Variants in CDH13 observed in about 807,000 individuals in gnomAD.
CDH13 encodes the protein cadherin-13.
CDH13 carries 24 observed loss-of-function variants against 63.8 expected under a neutral mutation model. The ratio of observed to expected loss-of-function variants is 0.38; its 90% CI spans 0.27 to 0.53. The LOEUF (loss-of-function observed/expected upper bound fraction) is 0.53. Among genes scored for constraint, CDH13 ranks in the 20% least tolerant of loss-of-function variants. The pLI is 0.85. For synonymous variants in CDH13, 503 were observed against 355.3 expected (o/e 1.42, Z -4.67); for missense variants, 1,049 against 903.1 (o/e 1.16, Z -2.07).
At chr16:83,719,052 C>T (rs892362451) in intron 10 of CDH13, among the ~76,000 whole-genome samples, 1 of 152,180 alleles carries the variant, frequency 6.6e-6, no homozygotes, top group African/African-American at 2.4e-5. Flanking sequence ...AGGGGGATGG[C>T]TTCCAGGGCA....
chr16:83,009,083 C>T (rs894054032), intron 2 of CDH13, among the ~76,000 whole-genome samples: 2 of 152,204 alleles, frequency 1.3e-5, no homozygotes, highest in African/African-American at 4.8e-5. Context: ...CGGGTCCTTT[C>T]TACCCCATGT....
intron 1 of CDH13, among the ~76,000 whole-genome samples, chr16:82,628,828 C>G (rs1421719622): frequency 6.6e-6 from 1 of 152,208 alleles, no homozygotes; most frequent in Non-Finnish European, 1.5e-5. Context: ...TCAGACAGAT[C>G]CTTCCTGCCA....
In CDH13 at chr16:82,928,366, G is replaced by A. The variant is rs576832090; in HGVS notation, c.157+69893G>A. 3.3e-5 allele frequency among the ~76,000 whole-genome samples: 5 copies of A among 152,250 alleles called. No homozygotes were observed. The South Asian group carries it at 1.0e-3, about 32-fold the overall frequency. Reference sequence around the variant, plus strand: ...TCTTCATGTGGACCCATTGCATGTGGCATTGAATTATAGAAATGATACTGT... The same window carrying A: ...TCTTCATGTGGACCCATTGCATGTGACATTGAATTATAGAAATGATACTGT... On this transcript the variant is annotated intron_variant, in intron 2 of 13. Transcript: ENST00000567109.
intron 1 of CDH13, among the ~76,000 whole-genome samples, chr16:82,722,045 T>C (rs1444897825): frequency 6.6e-6 from 1 of 152,142 alleles, no homozygotes; most frequent in Non-Finnish European, 1.5e-5. Context: ...GAGGCAGGGA[T>C]GGGATTCAAG....
intron 6 of CDH13, among the ~76,000 whole-genome samples, chr16:83,483,355 G>T (rs923645520): frequency 6.6e-6 from 1 of 151,992 alleles, no homozygotes; most frequent in Admixed American, 6.6e-5. Flanking sequence ...GTGTATGCTT[G>T]GGAATATTCC....
At chr16:83,618,848 G>A (rs1175079956) in intron 8 of CDH13, among the ~76,000 whole-genome samples, 2 of 151,992 alleles carry the variant, frequency 1.3e-5, no homozygotes, top group Non-Finnish European at 2.9e-5. Context: ...AAAAATGAAA[G>A]CAAGAAAATA....
At chr16:83,321,397 A>C (rs531842436) in intron 5 of CDH13, among the ~76,000 whole-genome samples, 2 of 152,030 alleles carry the variant, frequency 1.3e-5, no homozygotes, top group Admixed American at 6.5e-5. Context: ...CATCGGAATT[A>C]TTTAAGTTGG....
chr16:82,796,095 C>G (rs1289527337), intron 1 of CDH13, among the ~76,000 whole-genome samples: 1 of 152,096 alleles, frequency 6.6e-6, no homozygotes, highest in Non-Finnish European at 1.5e-5. Flanking sequence ...GTTCCTGTGC[C>G]TCTCCTGGAG....
At chr16:83,422,213 A>G (rs1387717087) in intron 6 of CDH13, among the ~76,000 whole-genome samples, 1 of 152,192 alleles carries the variant, frequency 6.6e-6, no homozygotes, top group Non-Finnish European at 1.5e-5. Flanking sequence ...ATTTTTCGTA[A>G]GTTGTACTGT....
At chr16:83,645,777 A>C (rs1911734502) in intron 8 of CDH13, among the ~76,000 whole-genome samples, 1 of 152,020 alleles carries the variant, frequency 6.6e-6, no homozygotes, top group Non-Finnish European at 1.5e-5. Flanking sequence ...CAGGGAAAAC[A>C]GGAGGAGAGG....
chr16:83,280,832 G>A lies in CDH13; in HGVS notation c.636+63335G>A, dbSNP rs373493008. Among the ~76,000 whole-genome samples the A allele has an allele frequency of 2.6e-5, 4 of 152,298 alleles. No homozygotes were observed. In the South Asian group the frequency reaches 6.2e-4, roughly 24 times the overall value. ...TGGACATTTCCGTCAGAGCTCTTGGGTCACTAGGTATATTGTCAATGAGCA... is the reference window on the plus strand; with the variant it reads ...TGGACATTTCCGTCAGAGCTCTTGGATCACTAGGTATATTGTCAATGAGCA... On this transcript the variant is annotated intron_variant, in intron 5 of 13. Transcript: ENST00000567109.
intron 6 of CDH13, among the ~76,000 whole-genome samples, chr16:83,347,931 C>T (rs1345555832): frequency 6.6e-6 from 1 of 152,142 alleles, no homozygotes; most frequent in Non-Finnish European, 1.5e-5. Flanking sequence ...GTGGCTCAAG[C>T]CTGTAATCCC....
intron 1 of CDH13, among the ~76,000 whole-genome samples, chr16:82,818,236 CG>C (rs2037822421): frequency 6.6e-6 from 1 of 151,960 alleles, no homozygotes; most frequent in Admixed American, 6.6e-5. Flanking sequence ...GTTTCTGTTA[CG>C]TAGATGAGGA....
chr16:82,634,228 G>C (rs1567574523), intron 1 of CDH13, among the ~76,000 whole-genome samples: 1 of 152,254 alleles, frequency 6.6e-6, no homozygotes, highest in Non-Finnish European at 1.5e-5. Context: ...TGGAAGGAAG[G>C]AATGTGGCAG....
In CDH13 at chr16:83,032,076, T is replaced by A; in HGVS notation, c.224T>A (p.Val75Glu). 1 of 1,611,824 alleles carries A rather than the reference T, an allele frequency of 6.2e-7. No individual in the cohort carries two copies. Among genetic ancestry groups the A allele is most frequent in the Non-Finnish European group, 8.5e-7 (1 of 1,179,132 alleles). The change falls in exon 3 of 14, where the codon GTG becomes GAG. Residue 75 changes from valine to glutamate, a missense_variant. Coordinates refer to ENST00000567109, the MANE Select transcript of CDH13 (RefSeq NM_001257.5). ...RYEVSSPYFK[V>E]NSDGGLVALR... The stretch of plus-strand genomic sequence containing the variant: ...GAGGTCTCGAGCCCATACTTCAAGG[T>A]GAACAGCGATGGCGGCTTAGTTGCT...
At chr16:83,736,286 A>G (rs431556) in intron 10 of CDH13, among the ~76,000 whole-genome samples, 118,432 of 152,134 alleles carry the variant, frequency 0.78, 46,471 homozygotes, top group Middle Eastern at 0.83. Context: ...TGATAAGTGT[A>G]TTTCTGGATT....
intron 12 of CDH13, among the ~76,000 whole-genome samples, chr16:83,782,010 A>G (rs547595199): frequency 2.8e-4 from 42 of 152,108 alleles, no homozygotes; most frequent in Middle Eastern, 6.8e-3. Context: ...TTAATCTGCC[A>G]TCTCACTAGG....
rs116920826 is a variant in CDH13 at position 83,503,781 on chromosome 16, T to C, written c.960+17126T>C. Among the ~76,000 whole-genome samples, 1,310 of 152,292 alleles carry C rather than the reference T, an allele frequency of 8.6e-3. 27 individuals carry two copies. The highest frequency in any genetic ancestry group is 0.077 in the East Asian group (400 of 5,174). ...AAATTTGTTTAAGTTCCTTGTAAAT[T>C]CTAGATATAAGACCTTTGCCAGATG... On this transcript the variant is annotated intron_variant, in intron 7 of 13. Transcript: ENST00000567109.
intron 2 of CDH13, among the ~76,000 whole-genome samples, chr16:82,944,227 T>A (rs910779290): frequency 1.3e-5 from 2 of 152,160 alleles, no homozygotes; most frequent in Non-Finnish European, 2.9e-5. Flanking sequence ...TAATTTGGAG[T>A]TCCATTCATG....
Sources: allele counts gnomAD v4.1 joint callset (sites outside exome capture counted in the v4.1 genomes callset), GRCh38; gene constraint gnomAD v4.1.1; transcripts MANE v1.5; gene names NCBI Gene and HGNC (gene_info 2026-07-23, HGNC 2026-07-21).